The following RNF19A variants were observed in gnomAD, a reference collection of about 807,000 sequenced individuals.
RNF19A encodes E3 ubiquitin-protein ligase RNF19A.
Under a neutral mutation model 75.7 loss-of-function variants are expected in RNF19A, and 32 were observed. That is an observed-to-expected ratio of 0.42 (90% CI 0.32 to 0.57). RNF19A has a LOEUF of 0.57. Ranked by LOEUF, RNF19A falls within the 20% of genes least tolerant of loss-of-function variation. The pLI is 0.10. For missense variants in RNF19A, 782 were observed against 1,036.3 expected (o/e 0.75, Z 3.37); for synonymous variants, 335 against 345.2 (o/e 0.97, Z 0.33).
At chr8:100,295,421 T>C (rs1226596288) in intron 1 of RNF19A, among the ~76,000 whole-genome samples, 1 of 152,130 alleles carries the variant, frequency 6.6e-6, no homozygotes, top group Non-Finnish European at 1.5e-5. Flanking sequence ...CCAAATTATC[T>C]AGTATACAGA....
chr8:100,273,395 T>C (rs1820352667), intron 3 of RNF19A, among the ~76,000 whole-genome samples: 1 of 152,194 alleles, frequency 6.6e-6, no homozygotes, highest in Admixed American at 6.5e-5. Context: ...CCTGGTATGA[T>C]ACTCTAGCTG....
intron 3 of RNF19A, among the ~76,000 whole-genome samples, chr8:100,273,141 A>G (rs1246542749): frequency 1.3e-5 from 2 of 152,222 alleles, no homozygotes; most frequent in African/African-American, 4.8e-5. Context: ...TGCTGGGATT[A>G]CAGGTGTGAG....
chr8:100,268,671 A>G (rs1820103277), intron 5 of RNF19A, 114 bp downstream of exon 5: 1 of 578,956 alleles, frequency 1.7e-6, no homozygotes, highest in Non-Finnish European at 2.7e-6. Context: ...GAAACTAAAG[A>G]TACCCTTTGT....
At position 100,288,236 on chromosome 8, in the gene RNF19A, T is replaced by G; in HGVS notation, c.-62A>C. 1 of 1,476,988 alleles carries G rather than the reference T, an allele frequency of 6.8e-7. No individual in the cohort carries two copies. Among genetic ancestry groups the G allele is most frequent in the Non-Finnish European group, 8.9e-7 (1 of 1,117,562 alleles). The allele number at this position is 1,476,988 out of a possible 1,614,324, so 91.5% of individuals were successfully genotyped here. On this transcript the variant is annotated 5_prime_UTR_variant, in exon 2 of 10. Transcript: ENST00000341084. ...TTCCTTCAGAGAATTCTTGAAAAGT[T>G]CGATTTACAGAAGACTGCTATCATG...
In RNF19A at chr8:100,295,373, C is replaced by A. The variant is rs75819405; in HGVS notation, c.-93-7106G>T. On this transcript the variant is annotated intron_variant, in intron 1 of 9. Coordinates refer to ENST00000341084, the MANE Select transcript of RNF19A (RefSeq NM_183419.4). Reference sequence around the variant, plus strand: ...TCTAATACCCAAACATTTTGGTAGACAATTTAAGTTGCACAAAAGAAATCA... The same window carrying A: ...TCTAATACCCAAACATTTTGGTAGAAAATTTAAGTTGCACAAAAGAAATCA... 7.3e-3 allele frequency among the ~76,000 whole-genome samples: 1,105 copies of A among 152,078 alleles called. 11 individuals are homozygous for A. Among genetic ancestry groups the A allele is most frequent in the African/African-American group, 0.025 (1,026 of 41,462 alleles).
chr8:100,287,381 T>G lies in RNF19A; in HGVS notation c.674+120A>C. 4.7e-6 allele frequency: 4 copies of G among 845,898 alleles called. No homozygotes were observed. Among genetic ancestry groups the G allele is most frequent in the Non-Finnish European group, 7.3e-6 (4 of 550,474 alleles). 52.4% of individuals were successfully genotyped at this position (845,898 alleles called of 1,614,324 possible). A position where few individuals can be genotyped will look rare whatever the true frequency, so the allele number is the denominator to read the frequency against. ...ATAGTGCCTGACATATGGTGTGCAC[T>G]CAACATGTCTGTTGAATGAATTCTC... On this transcript the variant is annotated intron_variant, in intron 2 of 9. Coordinates refer to ENST00000341084, the MANE Select transcript of RNF19A (RefSeq NM_183419.4). The surrounding 1 kb of genome is among the most constrained non-coding windows in gnomAD (Gnocchi z 4.1).
At chr8:100,290,072 G>A (rs1821216115) in intron 1 of RNF19A, among the ~76,000 whole-genome samples, 1 of 152,168 alleles carries the variant, frequency 6.6e-6, no homozygotes, top group South Asian at 2.1e-4. Context: ...TACAATGTTA[G>A]GAGTCAGGAT....
rs1821095561 is a variant in RNF19A, at chr8:100,287,827, G to A, written c.348C>T (p.Asp116=). 6.2e-7 allele frequency: 1 copy of A among 1,613,964 alleles called. No homozygotes were observed. The highest frequency in any genetic ancestry group is 1.3e-5 in the African/African-American group (1 of 74,924). The change falls in exon 2 of 10, where the codon GAC becomes GAT. Residue 116 remains aspartate, a synonymous_variant. Transcript: ENST00000341084. The surrounding 1 kb of genome is among the most constrained non-coding windows in gnomAD (Gnocchi z 4.1). ...NSIFSTNTSS[D]NGLTSISKQI... ...GTTTGCTGATGGAAGTTAATCCATT[G>A]TCAGAAGAGGTATTTGTAGAGAAAA...
At chr8:100,270,486 C>G (rs1171768109) in intron 3 of RNF19A, among the ~76,000 whole-genome samples, 2 of 152,062 alleles carry the variant, frequency 1.3e-5, no homozygotes, top group African/African-American at 2.4e-5. Flanking sequence ...ATCTGAGGTG[C>G]TATATCCAAA....
At position 100,324,779 on chromosome 8, in the gene RNF19A, A is replaced by C. The variant is rs765365666; in HGVS notation, c.-243+11329T>G. Among the ~76,000 whole-genome samples the C allele has an allele frequency of 5.9e-5, 9 of 152,010 alleles. No individual in the cohort carries two copies. Among genetic ancestry groups the C allele is most frequent in the Non-Finnish European group, 8.8e-5 (6 of 67,988 alleles). On this transcript the variant is annotated intron_variant, in intron 1 of 3. Coordinates refer to the RNF19A transcript ENST00000519527. The surrounding 1 kb of genome is among the most constrained non-coding windows in gnomAD (Gnocchi z 4.2). ...ATAGGAAAATTGATTAAAGGCATTGATCTATCTTTTTTCTTTCTTTCTCTT... is the reference window on the plus strand; with the variant it reads ...ATAGGAAAATTGATTAAAGGCATTGCTCTATCTTTTTTCTTTCTTTCTCTT...
At chr8:100,310,975 TC>T (rs375355995), upstream of RNF19A, among the ~76,000 whole-genome samples, 203 of 152,352 alleles carry the variant, frequency 1.3e-3, 1 homozygote, top group African/African-American at 4.6e-3. Context: ...CCTGGTTTAT[TC>T]TCTTCAAGAT....
chr8:100,259,912 T>C lies in RNF19A; in HGVS notation c.1768A>G (p.Asn590Asp), dbSNP rs749982958. The change falls in exon 9 of 10, where the codon AAT (asparagine) becomes GAT (aspartate). Residue 590 changes from asparagine to aspartate, a missense_variant. Asn to Asp is a conservative substitution (Grantham distance 23, BLOSUM62 1). This residue lies in a region of RNF19A where 442 missense variants were observed against 541.6 expected (regional missense o/e 0.82). Coordinates refer to ENST00000341084, the MANE Select transcript of RNF19A (RefSeq NM_183419.4). This position sits in a 1 kb window ranked among gnomAD's most constrained non-coding sequence, Gnocchi z 4.5. ...CCTGCCATTGCTTTGGTGCTGGCAT[T>C]ATCACTAACTGTTCCCAAGCTGACT... ...GTVSLGTVSD[N>D]ASTKAMAGSI... The C allele has an allele frequency of 1.9e-6, 3 of 1,613,966 alleles. No individual in the cohort carries two copies. In the South Asian group the frequency reaches 3.3e-5, roughly 18 times the overall value.
intron 1 of RNF19A, among the ~76,000 whole-genome samples, chr8:100,321,987 A>C (rs1822471739): frequency 8.6e-6 from 1 of 116,278 alleles, no homozygotes; most frequent in Non-Finnish European, 1.7e-5. Context: ...GTTTAGCAAA[A>C]TTCTTTTTTT....
rs762222864 is a variant in RNF19A, at chr8:100,259,219, T to G, written c.1854A>C (p.Val618=). The change falls in exon 10 of 10, where the codon GTA becomes GTC. Residue 618 remains valine (V), a synonymous_variant. Coordinates refer to ENST00000341084, the MANE Select transcript of RNF19A (RefSeq NM_183419.4). The surrounding 1 kb of genome is among the most constrained non-coding windows in gnomAD (Gnocchi z 4.5). ...ATTTGGATGGCTTTGACTCAATATC[T>G]ACTTGCACCTCCATACTGTTGCCTT... ...DKEGNSMEVQ[V]DIESKPSKFR... is the part of the protein sequence containing the mutation. The G allele has an allele frequency of 6.2e-7, 1 of 1,612,940 alleles. No individual in the cohort carries two copies. The highest frequency in any genetic ancestry group is 1.1e-5 in the South Asian group (1 of 91,062).
upstream of RNF19A, among the ~76,000 whole-genome samples, chr8:100,311,545 C>T (rs758064708): frequency 2.6e-5 from 4 of 151,788 alleles, no homozygotes; most frequent in African/African-American, 7.3e-5. Context: ...AGTGAAACCC[C>T]GTCTCTACTA....
rs145877424 is a variant in RNF19A at position 100,261,548 on chromosome 8, A to G, written c.1676T>C (p.Phe559Ser). The G allele has an allele frequency of 1.9e-4, 313 of 1,613,992 alleles. 7 individuals are homozygous for G. The South Asian group carries it at 3.2e-3, about 16-fold the overall frequency. Reference protein sequence around the residue: ...SLSGSAMVNCFNRLEVQADVQ... With the variant: ...SLSGSAMVNCSNRLEVQADVQ... ...ACCAAACCAAAACACACACCTGTTAAAACAGTTTACCATGGCACTTCCTGA... is the reference window on the plus strand; with the variant it reads ...ACCAAACCAAAACACACACCTGTTAGAACAGTTTACCATGGCACTTCCTGA... The change falls in exon 8 of 10, where the codon TTT (phenylalanine) becomes TCT (serine). Residue 559 changes from phenylalanine (F) to serine (S), a missense_variant. Around this residue, in one of 7 missense-constraint regions of RNF19A, gnomAD observed 442 missense variants for 541.6 expected, o/e 0.82. Transcript: ENST00000341084. This position sits in a 1 kb window ranked among gnomAD's most constrained non-coding sequence, Gnocchi z 4.4.
intron 1 of RNF19A, among the ~76,000 whole-genome samples, chr8:100,328,973 A>G (rs1332181724): frequency 6.6e-6 from 1 of 152,180 alleles, no homozygotes; most frequent in Non-Finnish European, 1.5e-5. Flanking sequence ...GGATCTAGGA[A>G]TCTGGGTCTT....
At chr8:100,307,267 T>A (rs963402434) in intron 1 of RNF19A, among the ~76,000 whole-genome samples, 4 of 152,212 alleles carry the variant, frequency 2.6e-5, no homozygotes, top group Non-Finnish European at 5.9e-5. Flanking sequence ...AAGATATAAG[T>A]GAGCAATTCA....
chr8:100,258,700 C>A lies in RNF19A; in HGVS notation c.2373G>T (p.Gln791His), dbSNP rs777781418. 6.2e-7 allele frequency: 1 copy of A among 1,614,156 alleles called. No homozygotes were observed. The highest frequency in any genetic ancestry group is 1.1e-5 in the South Asian group (1 of 91,080). Reference sequence around the variant, plus strand: ...CATGTTCTTCAGCAATATGATTCAACTGTGAAACTTCTGAACAGGAAGCAG... The same window carrying A: ...CATGTTCTTCAGCAATATGATTCAAATGTGAAACTTCTGAACAGGAAGCAG... Reference protein sequence around the residue: ...TQTASCSEVSQLNHIAEEHGN... With the variant: ...TQTASCSEVSHLNHIAEEHGN... The change falls in exon 10 of 10, where the codon CAG becomes CAT. Residue 791 changes from glutamine (Q) to histidine (H), a missense_variant. Gln to His is a conservative substitution (Grantham distance 24). Transcript: ENST00000341084. This position sits in a 1 kb window ranked among gnomAD's most constrained non-coding sequence, Gnocchi z 4.3.
Sources: gnomAD v4.1 joint callset for allele counts (sites outside exome capture counted in the v4.1 genomes callset) on GRCh38, gnomAD v4.1.1 for gene constraint, gnomAD v4.1.1 regional missense constraint, Gnocchi (gnomAD v3.1) non-coding constraint, MANE v1.5 for transcripts, NCBI Gene and HGNC (gene_info 2026-07-23, HGNC 2026-07-21) for gene names.